IGSF11: variants seen among roughly 807,000 people sequenced by gnomAD.
IGSF11 encodes CXADR like 1.
Under a neutral mutation model 41.0 loss-of-function variants are expected in IGSF11, and 22 were observed. The observed-to-expected ratio is 0.54, with a 90% CI of 0.38 to 0.77. IGSF11 has a LOEUF of 0.77. Among genes scored for constraint, IGSF11 ranks in the 30% least tolerant of loss-of-function variants. IGSF11 has a pLI of 0.00. For synonymous variants in IGSF11, 219 were observed against 201.3 expected, an observed-to-expected ratio of 1.09 and a Z score of -0.74; for missense variants, 444 against 530.8, an observed-to-expected ratio of 0.84 and a Z score of 1.61.
intron 1 of IGSF11, among the ~76,000 whole-genome samples, chr3:119,028,942 T>C (rs1940095188): frequency 6.6e-6 from 1 of 152,078 alleles, no homozygotes. Flanking sequence ...TTGGGGATGG[T>C]AACGTCAGGG....
chr3:119,112,459 T>C (rs2077191427), intron 1 of IGSF11, among the ~76,000 whole-genome samples: 1 of 152,204 alleles, frequency 6.6e-6, no homozygotes, highest in Non-Finnish European at 1.5e-5. Context: ...AGCGCAGTAT[T>C]TGGGTGGGAG....
At chr3:119,084,224 A>G (rs1030168439) in intron 1 of IGSF11, among the ~76,000 whole-genome samples, 1 of 152,122 alleles carries the variant, frequency 6.6e-6, no homozygotes, top group African/African-American at 2.4e-5. Flanking sequence ...AGAACACACC[A>G]AATGTGGAAG....
At chr3:118,986,828 T>C (rs1401801255) in intron 1 of IGSF11, among the ~76,000 whole-genome samples, 2 of 152,084 alleles carry the variant, frequency 1.3e-5, no homozygotes, top group East Asian at 3.8e-4. Flanking sequence ...ATACAAAGAA[T>C]AAATAAAAGA....
chr3:119,110,210 A>G (rs1298863581), upstream of IGSF11, among the ~76,000 whole-genome samples: 1 of 151,964 alleles, frequency 6.6e-6, no homozygotes, highest in Non-Finnish European at 1.5e-5. Flanking sequence ...TCCCATTATT[A>G]TTGTGTGGGA....
At chr3:119,036,497 G>T (rs775485842), upstream of IGSF11, among the ~76,000 whole-genome samples, 1 of 152,172 alleles carries the variant, frequency 6.6e-6, no homozygotes, top group South Asian at 2.1e-4. Context: ...GCTACTGAGA[G>T]CAACTCTTCA....
chr3:118,926,291 T>C, intron 3 of IGSF11, 35 bp from the exon 4 acceptor site: 1 of 1,508,338 alleles, frequency 6.6e-7, no homozygotes, highest in South Asian at 1.3e-5. Context: ...AAGTACACAT[T>C]TTACTGTGAG....
intron 1 of IGSF11, 27 bp from the exon 2 acceptor site, chr3:118,930,302 T>C (rs1942742688): frequency 6.3e-7 from 1 of 1,594,052 alleles, no homozygotes. Flanking sequence ...AGGGAGGTTA[T>C]ATGCTCGCCC....
At chr3:118,984,111 G>A (rs947399556) in intron 1 of IGSF11, among the ~76,000 whole-genome samples, 1 of 150,592 alleles carries the variant, frequency 6.6e-6, no homozygotes, top group Admixed American at 6.6e-5. Flanking sequence ...CTTTTTTCTT[G>A]ACTTTTGTTT....
intron 1 of IGSF11, among the ~76,000 whole-genome samples, chr3:119,071,591 C>G (rs565060824): frequency 6.6e-6 from 1 of 152,024 alleles, no homozygotes; most frequent in South Asian, 2.1e-4. Context: ...ATTCTTTTCC[C>G]ATTGAATAAT....
At chr3:119,137,986 T>C (rs1305578121) in intron 1 of IGSF11, among the ~76,000 whole-genome samples, 1 of 152,014 alleles carries the variant, frequency 6.6e-6, no homozygotes, top group Non-Finnish European at 1.5e-5. Flanking sequence ...ATCAGAGAAA[T>C]GCAAATCAAA....
At chr3:119,085,803 G>C (rs1363874546) in intron 1 of IGSF11, among the ~76,000 whole-genome samples, 3 of 152,232 alleles carry the variant, frequency 2.0e-5, no homozygotes, top group Admixed American at 2.0e-4. Flanking sequence ...CTCAGAGCTT[G>C]AAGACCAGTT....
At chr3:119,082,111 T>C (rs543071511) in intron 1 of IGSF11, among the ~76,000 whole-genome samples, 2 of 152,208 alleles carry the variant, frequency 1.3e-5, no homozygotes, top group Non-Finnish European at 2.9e-5. Context: ...AATCTGACTA[T>C]GTAAACTCCT....
chr3:118,985,676 C>T (rs1370973205), intron 1 of IGSF11, among the ~76,000 whole-genome samples: 1 of 152,170 alleles, frequency 6.6e-6, no homozygotes, highest in Non-Finnish European at 1.5e-5. Context: ...ACTTTTTCAT[C>T]CTTTACAATG....
Position 119,127,580 on chromosome 3 carries a change from T to A in IGSF11, c.-14+18233A>T, listed in dbSNP as rs150261128. On this transcript the variant is annotated intron_variant, in intron 1 of 7. Coordinates refer to the IGSF11 transcript ENST00000425327. The stretch of plus-strand genomic sequence containing the variant: ...ACCATTAAGATAGTCCACGAGAAGA[T>A]CAACCCCAAGACACACAATCATCAG... Among the ~76,000 whole-genome samples, 147 of 151,876 alleles carry A rather than the reference T, an allele frequency of 9.7e-4. 3 individuals carry two copies. The East Asian group carries it at 0.025, about 26-fold the overall frequency.
rs535216064 is a variant in IGSF11 at position 118,930,349 on chromosome 3, G to A, written c.53-74C>T. On this transcript the variant is annotated intron_variant, in intron 1 of 6. Coordinates refer to ENST00000393775, the MANE Select transcript of IGSF11 (RefSeq NM_001015887.3). Reference sequence around the variant, plus strand: ...TCCAAACTCCTTCAGGAAGGTTTGCGTGTTTTATGTTATCACATTATTATT... The same window carrying A: ...TCCAAACTCCTTCAGGAAGGTTTGCATGTTTTATGTTATCACATTATTATT... 1.2e-4 allele frequency: 167 copies of A among 1,400,102 alleles called. 1 individual carries two copies. The highest frequency in any genetic ancestry group is 1.1e-3 in the South Asian group (71 of 66,650). The allele number at this position is 1,400,102 out of a possible 1,614,324, so 86.7% of individuals were successfully genotyped here.
At chr3:119,130,074 A>G (rs2077458375) in intron 1 of IGSF11, among the ~76,000 whole-genome samples, 1 of 152,190 alleles carries the variant, frequency 6.6e-6, no homozygotes, top group Non-Finnish European at 1.5e-5. Context: ...GAAGACAGAA[A>G]GGTCTGGTTT....
intron 1 of IGSF11, among the ~76,000 whole-genome samples, chr3:118,971,802 CAAAAAAA>C (rs11370113): frequency 3.4e-5 from 3 of 88,972 alleles, no homozygotes; most frequent in African/African-American, 3.6e-5. Context: ...GACTCCGTCT[CAAAAAAA>C]AAAAAAAAAA....
At chr3:118,990,181 A>G (rs751780798) in intron 1 of IGSF11, among the ~76,000 whole-genome samples, 17 of 152,212 alleles carry the variant, frequency 1.1e-4, no homozygotes, top group Non-Finnish European at 2.4e-4. Context: ...TAAGCAAAAG[A>G]AGGATATATT....
chr3:119,051,011 G>C (rs1262378922), intron 1 of IGSF11, among the ~76,000 whole-genome samples: 1 of 138,352 alleles, frequency 7.2e-6, no homozygotes, highest in East Asian at 2.5e-4. Flanking sequence ...TGGGGGGAGG[G>C]GGGAGGGATG....
Sources: allele counts gnomAD v4.1 joint callset (sites outside exome capture counted in the v4.1 genomes callset), GRCh38; gene constraint gnomAD v4.1.1; transcripts MANE v1.5; gene names NCBI Gene and HGNC (gene_info 2026-07-23, HGNC 2026-07-21).